Variants in MBTPS1 observed in about 807,000 individuals in gnomAD.
MBTPS1 encodes membrane bound transcription factor peptidase, site 1, also known as membrane-bound transcription factor site-1 protease.
Under a neutral mutation model 127.8 loss-of-function variants are expected in MBTPS1, and 94 were observed. That is an observed-to-expected ratio of 0.74 (90% confidence interval 0.62 to 0.87). MBTPS1 has a LOEUF of 0.87. Ranked by LOEUF, MBTPS1 falls within the 40% of genes least tolerant of loss-of-function variation. The pLI, the probability that MBTPS1 is intolerant of heterozygous loss-of-function variation, is 0.00. For synonymous variants in MBTPS1, 632 were observed against 509.4 expected (o/e 1.24, Z -3.24); for missense variants, 1,636 against 1,353.2 (o/e 1.21, Z -3.28).
At position 84,085,071 on chromosome 16, in the gene MBTPS1, C is replaced by T; in HGVS notation, c.1198G>A (p.Gly400Ser). The change falls in exon 10 of 23, where the codon GGT becomes AGT. Residue 400 changes from glycine (G) to serine (S), a missense_variant. Physicochemically the swap from Gly to Ser is moderately conservative, Grantham distance 56. Coordinates refer to ENST00000343411, the MANE Select transcript of MBTPS1 (RefSeq NM_003791.4). ...CGGCACCCCCCTTTCACGCCAGAACCCCGCACGCCAGCACCATAGGTGACA... is the reference window on the plus strand; with the variant it reads ...CGGCACCCCCCTTTCACGCCAGAACTCCGCACGCCAGCACCATAGGTGACA... Reference protein sequence around the residue: ...DIVTYGAGVRGSGVKGGCRAL... With the variant: ...DIVTYGAGVRSSGVKGGCRAL... 6.2e-7 allele frequency: 1 copy of T among 1,614,182 alleles called. No individual in the cohort carries two copies. Among genetic ancestry groups the T allele is most frequent in the South Asian group, 1.1e-5 (1 of 91,082 alleles).
At position 84,085,001 on chromosome 16, in the gene MBTPS1, G is replaced by C; in HGVS notation, c.1268C>G (p.Ala423Gly). The C allele has an allele frequency of 6.2e-7, 1 of 1,614,136 alleles. No individual in the cohort carries two copies. Among genetic ancestry groups the C allele is most frequent in the Non-Finnish European group, 8.5e-7 (1 of 1,180,012 alleles). ...TSVASPVVAG[A>G]VTLLVSTVQK... ...CACTCACCTCACTAACAAGGTGACA[G>C]CACCTGCAACCACTGGAGAAGCAAC... Residue 423 changes from alanine (A) to glycine (G), a missense_variant, in exon 10 of 23, where the codon GCT becomes GGT. Transcript: ENST00000343411.
chr16:84,063,924 G>T (rs1412861024), intron 18 of MBTPS1, among the ~76,000 whole-genome samples: 1 of 152,158 alleles, frequency 6.6e-6, no homozygotes, highest in Non-Finnish European at 1.5e-5. Context: ...TAGGACAAAT[G>T]TAACTAATTT....
intron 21 of MBTPS1, among the ~76,000 whole-genome samples, chr16:84,058,839 C>G (rs900618735): frequency 6.6e-6 from 1 of 152,198 alleles, no homozygotes; most frequent in Non-Finnish European, 1.5e-5. Flanking sequence ...TGCTTTCACC[C>G]CCAGTCACAG....
intron 19 of MBTPS1, among the ~76,000 whole-genome samples, chr16:84,062,661 C>A (rs1360988035): frequency 6.6e-6 from 1 of 152,180 alleles, no homozygotes; most frequent in South Asian, 2.1e-4. Context: ...ACATGGAGCA[C>A]TTTTACCATT....
chr16:84,074,000 C>T (rs895834628), intron 12 of MBTPS1, among the ~76,000 whole-genome samples: 10 of 151,906 alleles, frequency 6.6e-5, no homozygotes, highest in Non-Finnish European at 1.5e-4. Flanking sequence ...GAGTGACACT[C>T]TGTCTCAAAA....
At chr16:84,054,680 G>T (rs200665004) in intron 22 of MBTPS1, 35 bp from the exon 23 acceptor site, 1 of 1,495,254 alleles carries the variant, frequency 6.7e-7, no homozygotes, top group Non-Finnish European at 9.0e-7. Flanking sequence ...AGGCAGGAAC[G>T]CCACAGAGCT....
chr16:84,069,752 G>T, intron 14 of MBTPS1, 114 bp downstream of exon 14: 1 of 987,102 alleles, frequency 1.0e-6, no homozygotes, highest in Non-Finnish European at 1.5e-6. Context: ...AGCGTCATCA[G>T]AGTCCAGGCT....
intron 1 of MBTPS1, among the ~76,000 whole-genome samples, chr16:84,107,158 A>T (rs993543355): frequency 6.6e-6 from 1 of 152,190 alleles, no homozygotes; most frequent in Non-Finnish European, 1.5e-5. Flanking sequence ...GGAAACCAAA[A>T]TCAGTGGGAA....
intron 6 of MBTPS1, among the ~76,000 whole-genome samples, chr16:84,092,078 C>A (rs186486963): frequency 7.7e-4 from 117 of 152,274 alleles, no homozygotes; most frequent in African/African-American, 2.7e-3. Context: ...CTGTGTTCTG[C>A]AGGTGGCCTA....
At position 84,074,650 on chromosome 16, in the gene MBTPS1, C is replaced by G. The variant is rs555388028; in HGVS notation, c.1540G>C (p.Val514Leu). ...ATGCCGTTGAGGATGGTGACATTAA[C>G]AACTGTCGGCATTCCTCCATAGTAG... The part of the protein sequence containing the change: ...PIYYGGMPTV[V>L]NVTILNGMGV... The change falls in exon 12 of 23, where the codon GTT becomes CTT. Residue 514 changes from valine to leucine, a missense_variant. Physicochemically the swap from Val to Leu is conservative, Grantham distance 32. Transcript: ENST00000343411. 17 of 1,614,160 alleles carry G rather than the reference C, an allele frequency of 1.1e-5. No individual in the cohort carries two copies. The highest frequency in any genetic ancestry group is 1.3e-5 in the Non-Finnish European group (15 of 1,179,998).
chr16:84,107,800 G>A (rs1384429595), intron 1 of MBTPS1, among the ~76,000 whole-genome samples: 1 of 151,510 alleles, frequency 6.6e-6, no homozygotes, highest in Non-Finnish European at 1.5e-5. Flanking sequence ...AACCTCTGAG[G>A]CTCAAGTGAT....
At chr16:84,083,309 G>C (rs992527353) in intron 10 of MBTPS1, among the ~76,000 whole-genome samples, 13 of 152,204 alleles carry the variant, frequency 8.5e-5, no homozygotes, top group African/African-American at 3.1e-4. Flanking sequence ...ACTGGAGAGA[G>C]GAAAACAACG....
chr16:84,095,530 T>C (rs2086166566), intron 4 of MBTPS1, 72 bp downstream of exon 4: 9 of 1,536,312 alleles, frequency 5.9e-6, no homozygotes, highest in Non-Finnish European at 8.0e-6. Context: ...GTCTGGACTT[T>C]CCGCGCCTTC....
chr16:84,081,882 T>C lies in MBTPS1; in HGVS notation c.1313A>G (p.Asn438Ser), dbSNP rs1457712688. ...CAGGGCCTGCTTCATACTGGCGGGATTCACCAGCTCACGCTTCTGGACTGT... is the reference window on the plus strand; with the variant it reads ...CAGGGCCTGCTTCATACTGGCGGGACTCACCAGCTCACGCTTCTGGACTGT... The part of the protein sequence containing the change: ...VSTVQKRELV[N>S]PASMKQALIA... Residue 438 changes from asparagine (N) to serine (S), a missense_variant, in exon 11 of 23, where the codon AAT becomes AGT. Coordinates refer to ENST00000343411, the MANE Select transcript of MBTPS1 (RefSeq NM_003791.4). 6.9e-7 allele frequency: 1 copy of C among 1,456,694 alleles called. No individual in the cohort carries two copies. The highest frequency in any genetic ancestry group is 9.1e-7 in the Non-Finnish European group (1 of 1,099,280). 90.2% of individuals were successfully genotyped at this position (1,456,694 alleles called of 1,614,324 possible).
chr16:84,100,034 C>G (rs572659527), intron 2 of MBTPS1, among the ~76,000 whole-genome samples: 45 of 152,346 alleles, frequency 3.0e-4, no homozygotes, highest in Non-Finnish European at 6.5e-4. Context: ...TTCTTCACAT[C>G]TGGTCACTCA....
intron 8 of MBTPS1, among the ~76,000 whole-genome samples, chr16:84,089,747 A>G (rs150123347): frequency 2.0e-3 from 305 of 152,302 alleles, no homozygotes; most frequent in Middle Eastern, 6.8e-3. Flanking sequence ...ACCCATGTCC[A>G]TGCTGGAAGA....
intron 4 of MBTPS1, 98 bp downstream of exon 4, chr16:84,095,504 C>A (rs773913403): frequency 1.5e-6 from 2 of 1,322,456 alleles, no homozygotes; most frequent in Non-Finnish European, 2.1e-6. Flanking sequence ...CAGTCCCGAA[C>A]ATGGAATTCC....
chr16:84,108,333 C>CT (rs376119769), intron 1 of MBTPS1, among the ~76,000 whole-genome samples: 83 of 152,340 alleles, frequency 5.4e-4, no homozygotes, highest in African/African-American at 1.9e-3. Flanking sequence ...GGCACGACCT[C>CT]TGCTCACTGC....
At chr16:84,115,222 G>A (rs138020939) in intron 1 of MBTPS1, among the ~76,000 whole-genome samples, 2 of 152,282 alleles carry the variant, frequency 1.3e-5, no homozygotes, top group East Asian at 1.9e-4. Context: ...CACCGCGCCC[G>A]GCCCAGCCTT....
Sources: allele counts gnomAD v4.1 joint callset (sites outside exome capture counted in the v4.1 genomes callset), GRCh38; gene constraint gnomAD v4.1.1; transcripts MANE v1.5; gene names NCBI Gene and HGNC (gene_info 2026-07-23, HGNC 2026-07-21).